Variants in MGAT4A observed in about 807,000 individuals in gnomAD.
MGAT4A encodes the protein N-acetylglucosaminyltransferase IVa.
A neutral mutation model predicts 74.1 loss-of-function variants in MGAT4A; 33 were observed. The ratio of observed to expected loss-of-function variants is 0.45; its 90% CI spans 0.34 to 0.60. MGAT4A has a LOEUF of 0.60. MGAT4A is among the 20% of genes least tolerant of loss of function. MGAT4A has a pLI of 0.02. For synonymous variants in MGAT4A, 198 were observed against 210.4 expected (o/e 0.94, Z 0.51); for missense variants, 479 against 628.3 (o/e 0.76, Z 2.54).
At chr2:98,662,527 A>G (rs927997101) in intron 5 of MGAT4A, among the ~76,000 whole-genome samples, 13 of 152,208 alleles carry the variant, frequency 8.5e-5, no homozygotes, top group Admixed American at 2.6e-4. Context: ...AATTCTATAC[A>G]ATAATTAAGA....
At chr2:98,627,009 T>C (rs953733656) in intron 14 of MGAT4A, among the ~76,000 whole-genome samples, 7 of 152,218 alleles carry the variant, frequency 4.6e-5, no homozygotes, top group African/African-American at 1.7e-4. Context: ...CCTTCCGGTA[T>C]ATTATTACAC....
At chr2:98,638,267 A>G (rs1369165292) in intron 12 of MGAT4A, among the ~76,000 whole-genome samples, 1 of 152,200 alleles carries the variant, frequency 6.6e-6, no homozygotes, top group African/African-American at 2.4e-5. Context: ...TTTTCAAAAA[A>G]TCCTTCTATA....
chr2:98,634,840 T>C (rs1228381413), intron 14 of MGAT4A, among the ~76,000 whole-genome samples: 1 of 151,364 alleles, frequency 6.6e-6, no homozygotes, highest in Non-Finnish European at 1.5e-5. Flanking sequence ...TAAGGCTATG[T>C]CAGTGGACAT....
intron 4 of MGAT4A, among the ~76,000 whole-genome samples, chr2:98,673,576 T>C (rs898544192): frequency 2.0e-5 from 3 of 152,180 alleles, no homozygotes; most frequent in African/African-American, 7.2e-5. Flanking sequence ...GAATGTTAAC[T>C]ATTGGAAAGC....
At chr2:98,680,607 A>C (rs796176970) in intron 2 of MGAT4A, among the ~76,000 whole-genome samples, 45 of 152,344 alleles carry the variant, frequency 3.0e-4, no homozygotes, top group African/African-American at 9.9e-4. Context: ...TTTGCTCAGA[A>C]GGAAAGGAGA....
At chr2:98,673,280 G>A in intron 4 of MGAT4A, among the ~76,000 whole-genome samples, 1 of 152,112 alleles carries the variant, frequency 6.6e-6, no homozygotes, top group East Asian at 1.9e-4. Context: ...TTTTTAGCAA[G>A]AAGCTGTTTT....
intron 2 of MGAT4A, among the ~76,000 whole-genome samples, chr2:98,700,931 A>G: frequency 6.6e-6 from 1 of 152,160 alleles, no homozygotes; most frequent in East Asian, 1.9e-4. Context: ...GTTAGCATAA[A>G]TAATGCATTT....
chr2:98,726,225 G>T lies in MGAT4A; in HGVS notation c.94+14C>A, dbSNP rs1702761443. The T allele has an allele frequency of 1.2e-6, 2 of 1,606,578 alleles. No individual in the cohort carries two copies. The highest frequency in any genetic ancestry group is 1.7e-6 in the Non-Finnish European group (2 of 1,173,844). On this transcript the variant is annotated intron_variant, in intron 2 of 15. Coordinates refer to ENST00000393487, the MANE Select transcript of MGAT4A (RefSeq NM_012214.3). ...AGTACATTTCATGCACATTTTCCGA[G>T]TCATTTTCCTTACCTTTCCCATTTT...
chr2:98,713,264 T>C (rs1302382521), intron 2 of MGAT4A, among the ~76,000 whole-genome samples: 1 of 151,090 alleles, frequency 6.6e-6, no homozygotes, highest in African/African-American at 2.4e-5. Flanking sequence ...CAAAATATAC[T>C]TCAGCAAAAA....
intron 1 of MGAT4A, among the ~76,000 whole-genome samples, chr2:98,728,151 A>C (rs940377628): frequency 3.9e-5 from 6 of 152,230 alleles, no homozygotes; most frequent in Non-Finnish European, 8.8e-5. Context: ...AAGTTGCAAA[A>C]TTCATGGAAA....
chr2:98,661,982 A>G (rs1003652611), intron 5 of MGAT4A, among the ~76,000 whole-genome samples: 35 of 152,234 alleles, frequency 2.3e-4, no homozygotes, highest in Admixed American at 6.5e-4. Flanking sequence ...ATAACTGACC[A>G]GTGCCCATCA....
rs1450722987 is a variant in MGAT4A, at chr2:98,623,764, T to C, written c.*1802A>G. The stretch of plus-strand genomic sequence containing the variant: ...GTACTGTATCAGTGTTTCCAAACGT[T>C]TGCACTTTGTAACACAGCACAGGAA... On this transcript the variant is annotated 3_prime_UTR_variant, in exon 16 of 16. Transcript: ENST00000393487. The C allele has an allele frequency of 8.1e-6, 8 of 985,326 alleles. No homozygotes were observed. Among genetic ancestry groups the C allele is most frequent in the Non-Finnish European group, 9.6e-6 (8 of 829,934 alleles). 61.0% of individuals were successfully genotyped at this position (985,326 alleles called of 1,614,324 possible). A position where few individuals can be genotyped will look rare whatever the true frequency, so the allele number is the denominator to read the frequency against.
At chr2:98,670,158 T>G (rs963651304) in intron 4 of MGAT4A, among the ~76,000 whole-genome samples, 4 of 152,080 alleles carry the variant, frequency 2.6e-5, no homozygotes, top group African/African-American at 9.7e-5. Flanking sequence ...GTCAGCAAAG[T>G]GAAGAATATG....
At chr2:98,631,578 C>A (rs945739995) in intron 14 of MGAT4A, among the ~76,000 whole-genome samples, 1 of 152,234 alleles carries the variant, frequency 6.6e-6, no homozygotes, top group Non-Finnish European at 1.5e-5. Flanking sequence ...GAAGAGCACA[C>A]CCGCGGATGC....
intron 4 of MGAT4A, 120 bp downstream of exon 4, chr2:98,674,915 G>T: frequency 4.2e-6 from 4 of 953,888 alleles, no homozygotes; most frequent in Non-Finnish European, 6.3e-6. Flanking sequence ...GATCTGATGT[G>T]CACAGATAAA....
chr2:98,656,040 TA>T, intron 7 of MGAT4A: 1 of 273,816 alleles, frequency 3.7e-6, no homozygotes, highest in Non-Finnish European at 6.9e-6. Context: ...CTGAATGCTT[TA>T]AAAAATTCAT....
At chr2:98,645,192 C>G (rs1044175756) in intron 9 of MGAT4A, among the ~76,000 whole-genome samples, 1 of 152,166 alleles carries the variant, frequency 6.6e-6, no homozygotes, top group African/African-American at 2.4e-5. Flanking sequence ...ACCAGCACCA[C>G]GGTTGGCATT....
At chr2:98,668,999 G>C (rs757267459) in intron 4 of MGAT4A, among the ~76,000 whole-genome samples, 4 of 152,176 alleles carry the variant, frequency 2.6e-5, no homozygotes, top group Non-Finnish European at 4.4e-5. Context: ...GCTTGCTTTT[G>C]ATTTTACAGG....
chr2:98,634,883 A>G (rs1485324725), intron 14 of MGAT4A, among the ~76,000 whole-genome samples: 4 of 151,846 alleles, frequency 2.6e-5, no homozygotes, highest in Non-Finnish European at 5.9e-5. Context: ...GGAGGAGGGA[A>G]GGGGCCCGAA....
Sources: allele counts gnomAD v4.1 joint callset (sites outside exome capture counted in the v4.1 genomes callset), GRCh38; gene constraint gnomAD v4.1.1; transcripts MANE v1.5; gene names NCBI Gene and HGNC (gene_info 2026-07-23, HGNC 2026-07-21).